Variants in ESYT3 observed in about 807,000 individuals in gnomAD.
ESYT3 encodes extended synaptotagmin-3.
Under a neutral mutation model 111.5 loss-of-function variants are expected in ESYT3, and 101 were observed. The ratio of observed to expected loss-of-function variants is 0.91; its 90% CI spans 0.77 to 1.07. ESYT3 has a LOEUF of 1.07. Among genes scored for constraint, ESYT3 ranks in the 50% least tolerant of loss-of-function variants. The pLI, the probability that ESYT3 is intolerant of heterozygous loss-of-function variation, is 0.00. For missense variants in ESYT3, 1,097 were observed against 1,109.4 expected (o/e 0.99, Z 0.16); for synonymous variants, 416 against 446.8 (o/e 0.93, Z 0.87).
At chr3:138,471,113 T>TTA in intron 17 of ESYT3, 87 bp downstream of exon 17, 1 of 1,116,452 alleles carries the variant, frequency 9.0e-7, no homozygotes, top group Non-Finnish European at 1.3e-6. Flanking sequence ...AAGCACCTGC[T>TTA]GTGTGCCTGG....
chr3:138,441,442 C>T (rs569836532), intron 1 of ESYT3, among the ~76,000 whole-genome samples: 21 of 152,090 alleles, frequency 1.4e-4, no homozygotes, highest in Non-Finnish European at 2.5e-4. Context: ...AGATGGTCAC[C>T]GGCTCCCACT....
intron 1 of ESYT3, among the ~76,000 whole-genome samples, chr3:138,438,160 T>G (rs1029957547): frequency 3.3e-5 from 5 of 152,262 alleles, no homozygotes; most frequent in African/African-American, 1.2e-4. Context: ...CATCATCACA[T>G]GCTGACCTTT....
At chr3:138,457,527 A>G in intron 3 of ESYT3, 41 bp from the exon 4 acceptor site, 1 of 1,597,624 alleles carries the variant, frequency 6.3e-7, no homozygotes, top group Non-Finnish European at 8.6e-7. Context: ...GTCCCCTGCT[A>G]CAAGAAGCCT....
At chr3:138,468,758 A>C (rs955520384) in intron 13 of ESYT3, 41 bp downstream of exon 13, 2 of 1,613,726 alleles carry the variant, frequency 1.2e-6, no homozygotes, top group Admixed American at 1.7e-5. Context: ...AAACGCAACA[A>C]AGTGCCCATC....
At chr3:138,456,214 C>T (rs532265025) in intron 3 of ESYT3, among the ~76,000 whole-genome samples, 1 of 152,364 alleles carries the variant, frequency 6.6e-6, no homozygotes, top group African/African-American at 2.4e-5. Flanking sequence ...TTTCATTCAC[C>T]TGTGACTTAT....
rs144707189 is a variant in ESYT3, at chr3:138,467,652, C to A, written c.1218+43C>A. ...AACCCTCGGGGGAGTTTCAAGGTAGCCCTTTCCTGTGGACAGCTCCAGCAG... is the reference window on the plus strand; with the variant it reads ...AACCCTCGGGGGAGTTTCAAGGTAGACCTTTCCTGTGGACAGCTCCAGCAG... On this transcript the variant is annotated intron_variant, in intron 11 of 22. Transcript: ENST00000389567. The A allele has an allele frequency of 1.4e-3, 2,290 of 1,597,194 alleles. 7 individuals carry two copies. The highest frequency in any genetic ancestry group is 0.011 in the African/African-American group (789 of 74,618).
chr3:138,434,951 A>G lies in ESYT3; in HGVS notation c.153A>G (p.Leu51=). The stretch of plus-strand genomic sequence containing the variant: ...TGTTCTACCTGGGGCCTGTCTACCT[A>G]GCTGGCTACCTGGGGCTCAGCATAA... The part of the protein sequence containing the change: ...RVLFYLGPVY[L]AGYLGLSITW... The change falls in exon 1 of 23, where the codon CTA becomes CTG. Residue 51 remains leucine (L), a synonymous_variant. Coordinates refer to ENST00000389567, the MANE Select transcript of ESYT3 (RefSeq NM_031913.5). 2 of 1,553,496 alleles carry G rather than the reference A, an allele frequency of 1.3e-6. No homozygotes were observed. Among genetic ancestry groups the G allele is most frequent in the Non-Finnish European group, 1.7e-6 (2 of 1,147,860 alleles).
chr3:138,476,878 C>T lies in ESYT3; in HGVS notation c.*24C>T, dbSNP rs2033510850. 6.2e-7 allele frequency: 1 copy of T among 1,605,312 alleles called. No individual in the cohort carries two copies. Among genetic ancestry groups the T allele is most frequent in the South Asian group, 1.1e-5 (1 of 90,798 alleles). On this transcript the variant is annotated 3_prime_UTR_variant, in exon 23 of 23. Coordinates refer to ENST00000389567, the MANE Select transcript of ESYT3 (RefSeq NM_031913.5). Reference sequence around the variant, plus strand: ...GATGATGAGAATTCTTATCACTCACCTTTATATTAAAATGTATATATATGT... The same window carrying T: ...GATGATGAGAATTCTTATCACTCACTTTTATATTAAAATGTATATATATGT...
chr3:138,470,052 G>A lies in ESYT3; in HGVS notation c.1504-8G>A. 2 of 1,611,130 alleles carry A rather than the reference G, an allele frequency of 1.2e-6. No individual in the cohort carries two copies. Among genetic ancestry groups the A allele is most frequent in the South Asian group, 1.1e-5 (1 of 90,828 alleles). On this transcript the variant is annotated splice_region_variant and splice_polypyrimidine_tract_variant and intron_variant, in intron 15 of 22. Transcript: ENST00000389567. ...CCCTTCAATGATCTCTCCCTCTTCT[G>A]TTCCCAGACCTGTCCCCACAACAAG...
At chr3:138,454,617 G>C (rs1348486700) in intron 2 of ESYT3, among the ~76,000 whole-genome samples, 4 of 152,120 alleles carry the variant, frequency 2.6e-5, no homozygotes, top group Non-Finnish European at 5.9e-5. Context: ...CTGCTGGCTG[G>C]CCCGCCCTCC....
In ESYT3 at chr3:138,472,345, C is replaced by T; in HGVS notation, c.1741-18C>T. 3 of 1,609,890 alleles carry T rather than the reference C, an allele frequency of 1.9e-6. No homozygotes were observed. The highest frequency in any genetic ancestry group is 2.5e-6 in the Non-Finnish European group (3 of 1,178,272). On this transcript the variant is annotated intron_variant, in intron 17 of 22. Transcript: ENST00000389567. ...AGTGGTGACTCAGCTCATAAGCCAC[C>T]CTCTTATCTGCTTGCAGTTCCTGCA...
In ESYT3 at chr3:138,440,658, A is replaced by AG. The variant is rs1181335708; in HGVS notation, c.327+5535dup. 6.6e-6 allele frequency among the ~76,000 whole-genome samples: 1 copy of AG among 152,196 alleles called. No individual in the cohort carries two copies. The highest frequency in any genetic ancestry group is 1.5e-5 in the Non-Finnish European group (1 of 68,040). Reference sequence around the variant, plus strand: ...CTTGGAGTCAGGCCTGTCCTCGGGAAGGAAGAGGCAGATAAATTTTTAGTC... The same window carrying AG: ...CTTGGAGTCAGGCCTGTCCTCGGGAAGGGAAGAGGCAGATAAATTTTTAGTC... On this transcript the variant is annotated intron_variant, in intron 1 of 22. Transcript: ENST00000389567. The surrounding 1 kb of genome is among the most constrained non-coding windows in gnomAD (Gnocchi z 4.2).
chr3:138,448,624 G>A (rs1444664221), intron 1 of ESYT3, among the ~76,000 whole-genome samples: 1 of 152,180 alleles, frequency 6.6e-6, no homozygotes, highest in Non-Finnish European at 1.5e-5. Context: ...GAGTAACTTT[G>A]AGAATGTGGG....
rs200479741 is a variant in ESYT3, at chr3:138,471,002, C to A, written c.1716C>A (p.Leu572=). ...FQLDHSGLDS[L]ISMRLVLRFL... is the part of the protein sequence containing the mutation. ...TGGACCACTCAGGCCTGGACAGCCT[C>A]ATCTCCATGAGGCTGGTGCTTCGGG... Residue 572 remains leucine (L), a synonymous_variant, in exon 17 of 23, where the codon CTC becomes CTA. Coordinates refer to ENST00000389567, the MANE Select transcript of ESYT3 (RefSeq NM_031913.5). 8.1e-6 allele frequency: 13 copies of A among 1,613,996 alleles called. No individual in the cohort carries two copies. Among genetic ancestry groups the A allele is most frequent in the Non-Finnish European group, 1.1e-5 (13 of 1,180,032 alleles).
In ESYT3 at chr3:138,477,103, G is replaced by A; in HGVS notation, c.*249G>A. On this transcript the variant is annotated 3_prime_UTR_variant, in exon 23 of 23. Coordinates refer to ENST00000389567, the MANE Select transcript of ESYT3 (RefSeq NM_031913.5). ...TTTTTGTTCAAGTCCAGAAAGAAAT[G>A]TTATATTTGTGCCTACTAAATTATC... is the stretch of plus-strand genomic sequence containing the variant. 2.6e-6 allele frequency: 1 copy of A among 383,534 alleles called. No homozygotes were observed. Among genetic ancestry groups the A allele is most frequent in the South Asian group, 3.9e-5 (1 of 25,576 alleles). 23.8% of individuals were successfully genotyped at this position (383,534 alleles called of 1,614,324 possible).
Position 138,468,664 on chromosome 3 carries a change from GGCCTTTCCACT to G in ESYT3, c.1322_1332del (p.Leu441HisfsTer18). ...CTGTGTCTGTTTGCAGGACCATGGT[GGCCTTTCCACT>G]GCCATTCTCGTGGTCTTCTTGGAGA... On this transcript the variant is annotated frameshift_variant, in exon 13 of 23. Transcript: ENST00000389567. LOFTEE classifies it high-confidence loss of function. 6.2e-7 allele frequency: 1 copy of G among 1,614,084 alleles called. No homozygotes were observed. The highest frequency in any genetic ancestry group is 8.5e-7 in the Non-Finnish European group (1 of 1,180,010).
At position 138,477,701 on chromosome 3, in the gene ESYT3, G is replaced by T. The variant is rs2033551317; in HGVS notation, c.*847G>T. On this transcript the variant is annotated 3_prime_UTR_variant, in exon 23 of 23. Coordinates refer to ENST00000389567, the MANE Select transcript of ESYT3 (RefSeq NM_031913.5). ...TTCAACTTTTCTAAAGAGATGGTTG[G>T]TTCACCTAAATAACATGTTAAAAGC... 1 of 152,158 alleles carries T rather than the reference G, an allele frequency of 6.6e-6. No individual in the cohort carries two copies. The highest frequency in any genetic ancestry group is 1.5e-5 in the Non-Finnish European group (1 of 68,034). The allele number at this position is 152,158 out of a possible 1,614,324, so 9.4% of individuals were successfully genotyped here.
rs1401986112 is a variant in ESYT3, at chr3:138,450,051, G to A, written c.328-1997G>A. Among the ~76,000 whole-genome samples, 16 of 152,194 alleles carry A rather than the reference G, an allele frequency of 1.1e-4. 1 individual carries two copies. The highest frequency in any genetic ancestry group is 1.0e-3 in the Admixed American group (16 of 15,286). ...ATCCCCAACTTGGGACACCCAGAGA[G>A]GCTTCCTGCAAGTGAAGTCTAAGAT... On this transcript the variant is annotated intron_variant, in intron 1 of 22. Transcript: ENST00000389567.
intron 1 of ESYT3, among the ~76,000 whole-genome samples, chr3:138,443,736 C>CTATGTG (rs1553810681): frequency 6.8e-6 from 1 of 147,866 alleles, no homozygotes; most frequent in Admixed American, 6.7e-5. Flanking sequence ...GTTTGTGCAT[C>CTATGTG]TGTGTGTGTG....
Sources: allele counts gnomAD v4.1 joint callset (sites outside exome capture counted in the v4.1 genomes callset), GRCh38; gene constraint gnomAD v4.1.1; non-coding constraint Gnocchi (gnomAD v3.1); transcripts MANE v1.5; gene names NCBI Gene and HGNC (gene_info 2026-07-23, HGNC 2026-07-21).